TMOD4: variants seen among roughly 807,000 people sequenced by gnomAD.
TMOD4 encodes tropomodulin 4.
Under a neutral mutation model 45.4 loss-of-function variants are expected in TMOD4, and 34 were observed. The ratio of observed to expected loss-of-function variants is 0.75; its 90% confidence interval spans 0.57 to 1.00. The LOEUF is 1.00. Ranked by LOEUF, TMOD4 falls within the 50% of genes least tolerant of loss-of-function variation. TMOD4 has a pLI of 0.00. For synonymous variants in TMOD4, 131 were observed against 153.9 expected (o/e 0.85, Z 1.10); for missense variants, 399 against 437.5 (o/e 0.91, Z 0.78).
At chr1:151,174,190 T>C (rs2101715664) in intron 3 of TMOD4, among the ~76,000 whole-genome samples, 1 of 151,948 alleles carries the variant, frequency 6.6e-6, no homozygotes, top group African/African-American at 2.4e-5. Flanking sequence ...CACTCCAGCC[T>C]GGGCAACAGA....
At position 151,174,843 on chromosome 1, in the gene TMOD4, G is replaced by C; in HGVS notation, c.33C>G (p.Tyr11Ter). 6.2e-7 allele frequency: 1 copy of C among 1,614,166 alleles called. No homozygotes were observed. The highest frequency in any genetic ancestry group is 1.3e-5 in the African/African-American group (1 of 75,024). The change falls in exon 2 of 10, where the codon TAC becomes TAG. Residue 11 changes from tyrosine (Y) to a stop codon, truncating the protein, a stop_gained. Transcript: ENST00000295314. LOFTEE classifies it high-confidence loss of function. The stretch of plus-strand genomic sequence containing the variant: ...GGATCTCATCTTCATCTATGTCTCT[G>C]TATTTCTCCAGTTCCTTCTGATATG... The part of the protein sequence containing the change: MSSYQKELEK[Y>*]RDIDEDEILR...
intron 7 of TMOD4, 96 bp from the exon 8 acceptor site, chr1:151,171,159 G>A (rs1391121092): frequency 1.4e-6 from 2 of 1,386,374 alleles, no homozygotes; most frequent in Non-Finnish European, 2.0e-6. Flanking sequence ...AGCTCTTTGA[G>A]AAGAGTCTTT....
chr1:151,173,050 T>C (rs1180317010), intron 4 of TMOD4, among the ~76,000 whole-genome samples: 4 of 152,128 alleles, frequency 2.6e-5, no homozygotes, highest in African/African-American at 9.7e-5. Flanking sequence ...CTCGATCTCC[T>C]GACCTCGTGA....
In TMOD4 at chr1:151,171,270, G is replaced by A. The variant is rs28730721; in HGVS notation, c.726+163C>T. 1.8e-4 allele frequency among the ~76,000 whole-genome samples: 28 copies of A among 152,248 alleles called. No homozygotes were observed. In the East Asian group the frequency reaches 4.6e-3, roughly 25 times the overall value. On this transcript the variant is annotated intron_variant, in intron 7 of 9. Coordinates refer to ENST00000295314, the MANE Select transcript of TMOD4 (RefSeq NM_013353.3). ...AGTGGGACTAGGGGTGTTAGAGAGA[G>A]TAGAGAGTTATGAGCCATAGCACTG...
intron 7 of TMOD4, 107 bp from the exon 8 acceptor site, chr1:151,171,170 C>T: frequency 7.7e-7 from 1 of 1,300,494 alleles, no homozygotes; most frequent in South Asian, 1.3e-5. Flanking sequence ...AAGAGTCTTT[C>T]AGGTGCTGTA....
intron 7 of TMOD4, 45 bp downstream of exon 7, chr1:151,171,388 C>A (rs898288011): frequency 6.6e-7 from 1 of 1,525,876 alleles, no homozygotes; most frequent in Non-Finnish European, 9.1e-7. Context: ...GCAACAGGTG[C>A]ATGTAAGATG....
intron 5 of TMOD4, 75 bp from the exon 6 acceptor site, chr1:151,171,838 CT>C (rs200165349): frequency 0.16 from 194,043 of 1,181,270 alleles, 58 homozygotes; most frequent in South Asian, 0.18. Context: ...CTTTTCTTTT[CT>C]TTTTTTTTTT....
rs1298551791 is a variant in TMOD4, at chr1:151,171,073, AG to A, written c.727-11del. 6.2e-7 allele frequency: 1 copy of A among 1,613,942 alleles called. No homozygotes were observed. Among genetic ancestry groups the A allele is most frequent in the Non-Finnish European group, 8.5e-7 (1 of 1,179,952 alleles). ...ACATGTCAGCCACTGCCTGGGTAGT[AG>A]GGACTTGGGTTAGGATTAGGGAACA... On this transcript the variant is annotated splice_polypyrimidine_tract_variant and intron_variant, in intron 7 of 9. Coordinates refer to ENST00000295314, the MANE Select transcript of TMOD4 (RefSeq NM_013353.3).
chr1:151,173,031 C>T (rs1211804825), intron 4 of TMOD4, among the ~76,000 whole-genome samples: 1 of 152,126 alleles, frequency 6.6e-6, no homozygotes, highest in African/African-American at 2.4e-5. Context: ...CCGTGTTAGC[C>T]AGGATGTTCT....
intron 3 of TMOD4, 46 bp from the exon 4 acceptor site, chr1:151,173,661 A>G: frequency 2.7e-6 from 4 of 1,473,108 alleles, no homozygotes; most frequent in Non-Finnish European, 3.8e-6. Context: ...AATTTCTCCC[A>G]AGATCCTGGC....
rs1295431356 is a variant in TMOD4, at chr1:151,171,669, G to T, written c.582C>A (p.Asp194Glu). ...EEILKRVRSN[D>E]KELEEVNLNN... The stretch of plus-strand genomic sequence containing the variant: ...TCAAGTTCACCTCCTCCAGCTCCTT[G>T]TCATTGCTTCGGACCCTCTTTAGTA... Residue 194 changes from aspartate (D) to glutamate (E), a missense_variant, in exon 6 of 10, where the codon GAC (aspartate) becomes GAA (glutamate). Asp to Glu is a conservative substitution (Grantham distance 45). Coordinates refer to ENST00000295314, the MANE Select transcript of TMOD4 (RefSeq NM_013353.3). 1 of 1,614,058 alleles carries T rather than the reference G, an allele frequency of 6.2e-7. No individual in the cohort carries two copies. The highest frequency in any genetic ancestry group is 1.1e-5 in the South Asian group (1 of 91,080).
chr1:151,174,266 GTCAGGGCATC>G, intron 3 of TMOD4, 115 bp downstream of exon 3: 1 of 981,208 alleles, frequency 1.0e-6, no homozygotes, highest in Non-Finnish European at 1.5e-6. Flanking sequence ...GCATTTAAGT[GTCAGGGCATC>G]TGAGTCCCTA....
chr1:151,170,873 A>G (rs1193169122), intron 8 of TMOD4, 47 bp downstream of exon 8: 3 of 1,597,788 alleles, frequency 1.9e-6, no homozygotes, highest in East Asian at 2.2e-5. Flanking sequence ...CTCAGGGAGG[A>G]GACTCAATGA....
chr1:151,174,454 C>T lies in TMOD4; in HGVS notation c.217G>A (p.Glu73Lys). 1 of 1,614,156 alleles carries T rather than the reference C, an allele frequency of 6.2e-7. No homozygotes were observed. The highest frequency in any genetic ancestry group is 8.5e-7 in the Non-Finnish European group (1 of 1,180,038). ...TCTTTGACTTCTAGTGCCTGTTGCTCCAAGTACTGCAAAAGGGCCTCTCGG... is the reference window on the plus strand; with the variant it reads ...TCTTTGACTTCTAGTGCCTGTTGCTTCAAGTACTGCAAAAGGGCCTCTCGG... ...LDREALLQYL[E>K]QQALEVKERD... is the part of the protein sequence containing the mutation. Residue 73 changes from glutamate (E) to lysine (K), a missense_variant, in exon 3 of 10, where the codon GAG (glutamate) becomes AAG (lysine). Physicochemically the swap from Glu to Lys is moderately conservative, Grantham distance 56. Coordinates refer to ENST00000295314, the MANE Select transcript of TMOD4 (RefSeq NM_013353.3).
rs375293287 is a variant in TMOD4, at chr1:151,170,987, C to T, written c.803G>A (p.Gly268Glu). 5.6e-5 allele frequency: 91 copies of T among 1,613,994 alleles called. No individual in the cohort carries two copies. Among genetic ancestry groups the T allele is most frequent in the Non-Finnish European group, 7.5e-5 (88 of 1,179,988 alleles). Residue 268 changes from glycine to glutamate, a missense_variant, in exon 8 of 10, where the codon GGA (glycine) becomes GAA (glutamate). By Grantham distance (98) the Gly-to-Glu change is moderately conservative. Coordinates refer to ENST00000295314, the MANE Select transcript of TMOD4 (RefSeq NM_013353.3). ...AACTGCCTTCAGCACAGCCATGAGT[C>T]CTGTGCTGCTAATGAAGTTGGATTC... ...NIESNFISSTGLMAVLKAVRE... is the reference protein window; with the variant it reads ...NIESNFISSTELMAVLKAVRE...
intron 4 of TMOD4, among the ~76,000 whole-genome samples, chr1:151,172,628 A>G (rs1683993933): frequency 6.6e-6 from 1 of 151,992 alleles, no homozygotes; most frequent in African/African-American, 2.4e-5. Flanking sequence ...TTCAGCCAGA[A>G]TGGTTCCACT....
rs1684016752 is a variant in TMOD4 at position 151,173,505 on chromosome 1, T to C, written c.391A>G (p.Ile131Val). The change falls in exon 4 of 10, where the codon ATT becomes GTT. Residue 131 changes from isoleucine (I) to valine (V), a missense_variant. By Grantham distance (29) the Ile-to-Val change is conservative (BLOSUM62 3). Transcript: ENST00000295314. ...ACTTCCCACAGCTACCCACCTGCAA[T>C]GTCACACATTTCAGCATCTGTGGCA... ...AHATDAEMCDIAAILDMYTLM... is the reference protein window; with the variant it reads ...AHATDAEMCDVAAILDMYTLM... 3.1e-6 allele frequency: 5 copies of C among 1,613,624 alleles called. No homozygotes were observed. Among genetic ancestry groups the C allele is most frequent in the Non-Finnish European group, 2.5e-6 (3 of 1,179,568 alleles).
chr1:151,173,821 G>A lies in TMOD4; in HGVS notation c.281-206C>T, dbSNP rs376320267. On this transcript the variant is annotated intron_variant, in intron 3 of 9. Coordinates refer to ENST00000295314, the MANE Select transcript of TMOD4 (RefSeq NM_013353.3). Reference sequence around the variant, plus strand: ...GGGCTGGGCGCTGTGGCTCACGCCTGTAATCCCAGCACTTGGGGAGGCCGA... The same window carrying A: ...GGGCTGGGCGCTGTGGCTCACGCCTATAATCCCAGCACTTGGGGAGGCCGA... Among the ~76,000 whole-genome samples the A allele has an allele frequency of 4.6e-5, 7 of 152,344 alleles. 1 individual carries two copies. The highest frequency in any genetic ancestry group is 1.7e-4 in the African/African-American group (7 of 41,584).
chr1:151,174,831 A>G lies in TMOD4; in HGVS notation c.45T>C (p.Asp15=). The G allele has an allele frequency of 6.2e-7, 1 of 1,614,094 alleles. No individual in the cohort carries two copies. Among genetic ancestry groups the G allele is most frequent in the South Asian group, 1.1e-5 (1 of 91,076 alleles). ...QKELEKYRDI[D]EDEILRTLSP... is the part of the protein sequence containing the mutation. ...TCAAGGTCCTTAGGATCTCATCTTC[A>G]TCTATGTCTCTGTATTTCTCCAGTT... Residue 15 remains aspartate, a synonymous_variant, in exon 2 of 10, where the codon GAT becomes GAC. Transcript: ENST00000295314.
Sources: allele counts gnomAD v4.1 joint callset (sites outside exome capture counted in the v4.1 genomes callset), GRCh38; gene constraint gnomAD v4.1.1; transcripts MANE v1.5; gene names NCBI Gene and HGNC (gene_info 2026-07-23, HGNC 2026-07-21).